BOD1L1: variants seen among roughly 807,000 people sequenced by gnomAD.
BOD1L1 encodes the protein biorientation of chromosomes in cell division 1 like 1.
In BOD1L1, 86 loss-of-function variants were observed where a neutral mutation model predicts 240.7. That is an observed-to-expected ratio of 0.36 (90% CI 0.30 to 0.43). BOD1L1 has a LOEUF of 0.43. BOD1L1 is among the 20% of genes least tolerant of loss of function. The pLI is 1.00. For synonymous variants in BOD1L1, 1,268 were observed against 1,272.3 expected, an observed-to-expected ratio of 1.00 and a Z score of 0.07; for missense variants, 3,554 against 3,643.5, an observed-to-expected ratio of 0.98 and a Z score of 0.63.
chr4:13,616,785 G>GA (rs1484906405), intron 2 of BOD1L1, among the ~76,000 whole-genome samples: 1 of 151,982 alleles, frequency 6.6e-6, no homozygotes, highest in Non-Finnish European at 1.5e-5. Context: ...GGGCCATAGA[G>GA]AAAAATGAGC....
At chr4:13,577,379 A>C (rs1208768250) in intron 24 of BOD1L1, 24 bp downstream of exon 24, 3 of 1,603,898 alleles carry the variant, frequency 1.9e-6, no homozygotes, top group Non-Finnish European at 2.6e-6. Flanking sequence ...AATAAGACTT[A>C]TTAAGAATTT....
intron 20 of BOD1L1, 21 bp downstream of exon 20, chr4:13,581,111 G>GA: frequency 6.4e-7 from 1 of 1,569,376 alleles, no homozygotes; most frequent in African/African-American, 1.4e-5. Flanking sequence ...TGTGTGAACT[G>GA]AAAACACACC....
chr4:13,590,976 A>G (rs1167272326), intron 13 of BOD1L1, among the ~76,000 whole-genome samples: 2 of 152,190 alleles, frequency 1.3e-5, no homozygotes, highest in Non-Finnish European at 2.9e-5. Flanking sequence ...TGGTGGACTC[A>G]AGGGACTGAG....
At chr4:13,609,269 A>G in intron 7 of BOD1L1, 26 bp downstream of exon 7, 1 of 1,329,326 alleles carries the variant, frequency 7.5e-7, no homozygotes, top group Admixed American at 3.3e-5. Flanking sequence ...GAGATAGTTT[A>G]AAATATTAAA....
At position 13,599,616 on chromosome 4, in the gene BOD1L1, C is replaced by A. The variant is rs150638208; in HGVS notation, c.7284G>T (p.Ala2428=). ...AGQGHPSAVC[A]EKEEKHGKEC... ...CCTTGCCATGCTTCTCTTCTTTTTC[C>A]GCACAAACAGCACTTGGATGGCCTT... The change falls in exon 10 of 26, where the codon GCG becomes GCT. Residue 2428 remains alanine, a synonymous_variant. Coordinates refer to ENST00000040738, the MANE Select transcript of BOD1L1 (RefSeq NM_148894.3). 1,971 of 1,613,872 alleles carry A rather than the reference C, an allele frequency of 1.2e-3. 5 individuals are homozygous for A. Among genetic ancestry groups the A allele is most frequent in the Non-Finnish European group, 1.6e-3 (1,878 of 1,179,898 alleles).
intron 15 of BOD1L1, among the ~76,000 whole-genome samples, chr4:13,588,049 G>A (rs968425164): frequency 6.6e-6 from 1 of 152,002 alleles, no homozygotes; most frequent in Non-Finnish European, 1.5e-5. Flanking sequence ...TTAGCTGGGC[G>A]TGGTGGCGGG....
At chr4:13,589,385 T>C (rs1713996676) in intron 14 of BOD1L1, among the ~76,000 whole-genome samples, 1 of 152,200 alleles carries the variant, frequency 6.6e-6, no homozygotes, top group Non-Finnish European at 1.5e-5. Flanking sequence ...AGTTTCAAAA[T>C]ACCTACATGT....
intron 22 of BOD1L1, chr4:13,577,878 C>A: frequency 2.9e-6 from 1 of 344,086 alleles, no homozygotes; most frequent in South Asian, 5.0e-5. Flanking sequence ...GTTTTTTCAG[C>A]TGCAAAATAA....
rs367990092 is a variant in BOD1L1 at position 13,599,877 on chromosome 4, G to A, written c.7023C>T (p.Ser2341=). Residue 2341 remains serine, a synonymous_variant, in exon 10 of 26, where the codon TCC becomes TCT. Transcript: ENST00000040738. The part of the protein sequence containing the change: ...STSTAECMPI[S]ASIDRHEENQ... ...TCTCTTCATGTCTGTCAATGCTGGCGGAAATTGGCATACATTCTGCTGTGC... is the reference window on the plus strand; with the variant it reads ...TCTCTTCATGTCTGTCAATGCTGGCAGAAATTGGCATACATTCTGCTGTGC... 39 of 1,613,820 alleles carry A rather than the reference G, an allele frequency of 2.4e-5. No homozygotes were observed. Among genetic ancestry groups the A allele is most frequent in the South Asian group, 4.4e-5 (4 of 91,068 alleles).
chr4:13,591,906 C>G lies in BOD1L1; in HGVS notation c.8148+17G>C. On this transcript the variant is annotated intron_variant, in intron 13 of 25. Coordinates refer to ENST00000040738, the MANE Select transcript of BOD1L1 (RefSeq NM_148894.3). ...AACCCAATAACCACAAAAATCAAAA[C>G]CATTACAGTGACTTACATTTAGTGA... 1 of 1,541,018 alleles carries G rather than the reference C, an allele frequency of 6.5e-7. No individual in the cohort carries two copies.
rs1716642560 is a variant in BOD1L1, at chr4:13,616,872, T to A, written c.369-1370A>T. The stretch of plus-strand genomic sequence containing the variant: ...AAATCTTGCAAACACTGTTACATCT[T>A]AGAGGTGTATTTAAAATGTAGTAGG... On this transcript the variant is annotated intron_variant, in intron 2 of 25. Transcript: ENST00000040738. 2.6e-5 allele frequency among the ~76,000 whole-genome samples: 4 copies of A among 152,250 alleles called. No individual in the cohort carries two copies. In the South Asian group the frequency reaches 8.3e-4, roughly 32 times the overall value.
intron 17 of BOD1L1, among the ~76,000 whole-genome samples, chr4:13,582,958 T>C (rs1713356653): frequency 6.6e-6 from 1 of 152,222 alleles, no homozygotes. Context: ...AAGGTTCAAG[T>C]ACAACATATC....
In BOD1L1 at chr4:13,600,867, A is replaced by G. The variant is rs1336158346; in HGVS notation, c.6033T>C (p.Leu2011=). The change falls in exon 10 of 26, where the codon CTT becomes CTC. Residue 2011 remains leucine, a synonymous_variant. Coordinates refer to ENST00000040738, the MANE Select transcript of BOD1L1 (RefSeq NM_148894.3). ...CACATTCTGGGACTTCACCAGATAC[A>G]AGAACATCGTAACTACCCCCGACCA... The part of the protein sequence containing the change: ...TGLVGGSYDV[L]VSGEVPECEV... 6.2e-7 allele frequency: 1 copy of G among 1,613,726 alleles called. No homozygotes were observed. Among genetic ancestry groups the G allele is most frequent in the African/African-American group, 1.3e-5 (1 of 74,922 alleles).
intron 12 of BOD1L1, among the ~76,000 whole-genome samples, chr4:13,594,178 C>A (rs969372965): frequency 1.3e-5 from 2 of 152,126 alleles, no homozygotes; most frequent in Non-Finnish European, 2.9e-5. Flanking sequence ...TCCCTTTAAG[C>A]AAATGCCTAT....
chr4:13,613,745 A>C lies in BOD1L1; in HGVS notation c.1175-84T>G. ...GAGCTCAATTACTAAATTACACTTA[A>C]AATTTTCTGCTTTAAATACGTGTCA... is the stretch of plus-strand genomic sequence containing the variant. On this transcript the variant is annotated intron_variant, in intron 4 of 25. Coordinates refer to ENST00000040738, the MANE Select transcript of BOD1L1 (RefSeq NM_148894.3). The surrounding 1 kb of genome is among the most constrained non-coding windows in gnomAD (Gnocchi z 4.0). 8.7e-7 allele frequency: 1 copy of C among 1,153,296 alleles called. No homozygotes were observed. Among genetic ancestry groups the C allele is most frequent in the Non-Finnish European group, 1.1e-6 (1 of 870,770 alleles). The allele number at this position is 1,153,296 out of a possible 1,614,324, so 71.4% of individuals were successfully genotyped here.
At chr4:13,619,541 G>C (rs553286438) in intron 2 of BOD1L1, among the ~76,000 whole-genome samples, 30 of 152,106 alleles carry the variant, frequency 2.0e-4, no homozygotes, top group Non-Finnish European at 3.7e-4. Context: ...CAAATCAAGA[G>C]AGAATATTTT....
Position 13,627,363 on chromosome 4 carries a change from C to T in BOD1L1, c.225G>A (p.Leu75=). Residue 75 remains leucine, a synonymous_variant, in exon 1 of 26, where the codon CTG becomes CTA. Coordinates refer to ENST00000040738, the MANE Select transcript of BOD1L1 (RefSeq NM_148894.3). Reference sequence around the variant, plus strand: ...TCCTAACCTTGGTGTCCACGTCGGCCAGGCAGTCTCTGCGGAACTGGTCGA... The same window carrying T: ...TCCTAACCTTGGTGTCCACGTCGGCTAGGCAGTCTCTGCGGAACTGGTCGA... ...GLFDQFRRDC[L]ADVDTKPAYQ... is the part of the protein sequence containing the mutation. 1 of 1,341,734 alleles carries T rather than the reference C, an allele frequency of 7.5e-7. No individual in the cohort carries two copies. The highest frequency in any genetic ancestry group is 9.7e-7 in the Non-Finnish European group (1 of 1,035,512). The allele number at this position is 1,341,734 out of a possible 1,614,324, so 83.1% of individuals were successfully genotyped here. A position where few individuals can be genotyped will look rare whatever the true frequency, so the allele number is the denominator to read the frequency against.
Position 13,600,162 on chromosome 4 carries a change from G to A in BOD1L1, c.6738C>T (p.Val2246=), listed in dbSNP as rs1714997243. 6.2e-7 allele frequency: 1 copy of A among 1,613,772 alleles called. No homozygotes were observed. Among genetic ancestry groups the A allele is most frequent in the African/African-American group, 1.3e-5 (1 of 74,896 alleles). Residue 2246 remains valine (V), a synonymous_variant, in exon 10 of 26, where the codon GTC becomes GTT. Coordinates refer to ENST00000040738, the MANE Select transcript of BOD1L1 (RefSeq NM_148894.3). ...TGCCACTCCCGTCTTTTTCTTCCAT[G>A]ACTGTGCCAGCTCGCTCATTTTCAC... The part of the protein sequence containing the change: ...VESENERAGT[V]MEEKDGSGII...
Position 13,591,960 on chromosome 4 carries a change from A to T in BOD1L1, c.8111T>A (p.Leu2704His). 6.4e-7 allele frequency: 1 copy of T among 1,556,068 alleles called. No individual in the cohort carries two copies. The highest frequency in any genetic ancestry group is 8.7e-7 in the Non-Finnish European group (1 of 1,149,578). ...CGGKPSGIAE[L>H]QREPLLVNES... Reference sequence around the variant, plus strand: ...ATTCACCAACAAAGGCTCCCTCTGGAGTTCAGCTGTTCAAAAATAAAAATG... The same window carrying T: ...ATTCACCAACAAAGGCTCCCTCTGGTGTTCAGCTGTTCAAAAATAAAAATG... The change falls in exon 13 of 26, where the codon CTC becomes CAC. Residue 2704 changes from leucine to histidine, a missense_variant. Leu to His is a moderately conservative substitution (Grantham distance 99). Coordinates refer to ENST00000040738, the MANE Select transcript of BOD1L1 (RefSeq NM_148894.3).
Sources: gnomAD v4.1 joint callset for allele counts (sites outside exome capture counted in the v4.1 genomes callset) on GRCh38, gnomAD v4.1.1 for gene constraint, Gnocchi (gnomAD v3.1) non-coding constraint, MANE v1.5 for transcripts, NCBI Gene and HGNC (gene_info 2026-07-23, HGNC 2026-07-21) for gene names.